Variants in CALN1 observed in about 807,000 individuals in gnomAD.
The protein encoded by CALN1 is calcium-binding protein 8.
A neutral mutation model predicts 30.6 loss-of-function variants in CALN1; 17 were observed. That is an observed-to-expected ratio of 0.56 (90% CI 0.38 to 0.83). The LOEUF (loss-of-function observed/expected upper bound fraction) is 0.83, where lower values mean the gene tolerates loss of function less well. CALN1 is among the 40% of genes least tolerant of loss of function. The probability of loss-of-function intolerance (pLI) is 0.00; values close to 1 mark genes in which losing one functional copy is unlikely to be tolerated. For synonymous variants in CALN1, 156 were observed against 131.4 expected (o/e 1.19, Z -1.28); for missense variants, 291 against 354.9 (o/e 0.82, Z 1.45).
At chr7:72,153,076 C>T (rs1787380798) in intron 3 of CALN1, among the ~76,000 whole-genome samples, 1 of 152,214 alleles carries the variant, frequency 6.6e-6, no homozygotes. Context: ...AATCAAGCCA[C>T]TTTTCCTATA....
intron 3 of CALN1, among the ~76,000 whole-genome samples, chr7:72,182,471 C>T (rs574538475): frequency 6.6e-6 from 1 of 152,034 alleles, no homozygotes; most frequent in African/African-American, 2.4e-5. Context: ...TATAATCCAA[C>T]CACTTTAGGA....
At chr7:72,313,388 A>G (rs910214355) in intron 2 of CALN1, among the ~76,000 whole-genome samples, 1 of 152,144 alleles carries the variant, frequency 6.6e-6, no homozygotes, top group Non-Finnish European at 1.5e-5. Flanking sequence ...TACTAGTTGT[A>G]TTAAGAAAAA....
At chr7:72,397,590 C>T (rs547139082) in intron 2 of CALN1, among the ~76,000 whole-genome samples, 3 of 152,122 alleles carry the variant, frequency 2.0e-5, no homozygotes, top group East Asian at 3.9e-4. Context: ...AAATGTGTTC[C>T]TCAATGGGGC....
intron 4 of CALN1, among the ~76,000 whole-genome samples, chr7:72,084,555 T>A (rs1158116673): frequency 6.6e-6 from 1 of 151,760 alleles, no homozygotes; most frequent in East Asian, 2.0e-4. Flanking sequence ...GAGATGGGGT[T>A]TCACCATGTT....
the CALN1 span, among the ~76,000 whole-genome samples, chr7:72,469,387 A>ATTTAT: frequency 1.3e-5 from 2 of 151,940 alleles, no homozygotes; most frequent in Non-Finnish European, 2.9e-5. Flanking sequence ...AGATGTATGG[A>ATTTAT]TTTATTTTAT....
intron 3 of CALN1, among the ~76,000 whole-genome samples, chr7:72,220,910 T>C (rs551561823): frequency 1.3e-5 from 2 of 150,908 alleles, no homozygotes; most frequent in East Asian, 3.9e-4. Context: ...TTCTTGTAAA[T>C]TTGTTTGAGT....
chr7:72,218,444 T>A (rs374045375), intron 3 of CALN1, among the ~76,000 whole-genome samples: 3 of 151,994 alleles, frequency 2.0e-5, no homozygotes, highest in Admixed American at 6.6e-5. Context: ...CGAGACTCCA[T>A]CTCAAAAAAT....
chr7:72,105,357 G>C (rs1320689738), intron 4 of CALN1, among the ~76,000 whole-genome samples: 3 of 152,188 alleles, frequency 2.0e-5, no homozygotes, highest in Non-Finnish European at 2.9e-5. Context: ...CTTTTCCTGA[G>C]TGTGATGTAG....
intron 2 of CALN1, among the ~76,000 whole-genome samples, chr7:72,332,812 A>G (rs1201384272): frequency 6.6e-6 from 1 of 152,124 alleles, no homozygotes; most frequent in African/African-American, 2.4e-5. Flanking sequence ...AATTCATCCC[A>G]TCTTCTCCAT....
chr7:72,419,591 A>G (rs1398619674), intron 1 of CALN1, among the ~76,000 whole-genome samples: 5 of 152,106 alleles, frequency 3.3e-5, no homozygotes, highest in Non-Finnish European at 7.3e-5. Flanking sequence ...TGGGCTCCTG[A>G]CTAAACCCCA....
chr7:71,858,126 A>C (rs148999633), intron 5 of CALN1, among the ~76,000 whole-genome samples: 91 of 152,266 alleles, frequency 6.0e-4, no homozygotes, highest in Middle Eastern at 3.4e-3. Context: ...GAAGTAATTA[A>C]ATCATGGGGG....
chr7:72,093,802 G>C (rs1236861806), intron 4 of CALN1, among the ~76,000 whole-genome samples: 1 of 152,134 alleles, frequency 6.6e-6, no homozygotes, highest in Non-Finnish European at 1.5e-5. Flanking sequence ...AAATTTAACT[G>C]TGTGCTCTGT....
chr7:72,374,383 A>G (rs1159910029), intron 2 of CALN1, among the ~76,000 whole-genome samples: 3 of 151,744 alleles, frequency 2.0e-5, no homozygotes, highest in Non-Finnish European at 4.4e-5. Context: ...ACAAAAGTTA[A>G]CCGGGTGTGG....
At chr7:72,046,030 A>AGG (rs889906178) in intron 4 of CALN1, among the ~76,000 whole-genome samples, 7 of 150,574 alleles carry the variant, frequency 4.6e-5, no homozygotes, top group Non-Finnish European at 1.0e-4. Flanking sequence ...TTCAGAACTA[A>AGG]GGCCAGGTGC....
chr7:72,319,860 G>T (rs1242531619), intron 2 of CALN1, among the ~76,000 whole-genome samples: 5 of 151,962 alleles, frequency 3.3e-5, no homozygotes, highest in African/African-American at 7.3e-5. Context: ...AAGGTAGGAG[G>T]GTGGGAGGGG....
intron 3 of CALN1, among the ~76,000 whole-genome samples, chr7:72,108,622 T>A (rs1807341908): frequency 6.6e-6 from 1 of 152,002 alleles, no homozygotes; most frequent in African/African-American, 2.4e-5. Flanking sequence ...GTTCTTACCA[T>A]ACACCCTGCC....
chr7:72,359,420 T>C (rs1295784603), intron 2 of CALN1, among the ~76,000 whole-genome samples: 3 of 152,232 alleles, frequency 2.0e-5, no homozygotes, highest in Non-Finnish European at 2.9e-5. Flanking sequence ...ATTTTACATA[T>C]ATCTGCTGCT....
chr7:72,344,656 AT>A (rs1367947709), intron 2 of CALN1, among the ~76,000 whole-genome samples: 5 of 146,522 alleles, frequency 3.4e-5, no homozygotes, highest in African/African-American at 1.2e-4. Context: ...TTTTTTATTT[AT>A]ATAAATATAT....
intron 5 of CALN1, among the ~76,000 whole-genome samples, chr7:71,822,618 C>T (rs937743966): frequency 4.6e-5 from 7 of 152,170 alleles, no homozygotes; most frequent in African/African-American, 1.7e-4. Flanking sequence ...TTTGGTTATG[C>T]TGCTGGATGT....
Sources: allele counts gnomAD v4.1 joint callset (sites outside exome capture counted in the v4.1 genomes callset), GRCh38; gene constraint gnomAD v4.1.1; transcripts MANE v1.5; gene names NCBI Gene and HGNC (gene_info 2026-07-23, HGNC 2026-07-21).